Variants in FNIP2 observed in about 807,000 individuals in gnomAD.
FNIP2 encodes folliculin interacting protein 2.
A neutral mutation model predicts 108.7 loss-of-function variants in FNIP2; 32 were observed. The observed-to-expected ratio is 0.29, with a 90% CI of 0.22 to 0.40. The LOEUF (loss-of-function observed/expected upper bound fraction) is 0.40. FNIP2 is among the 10% of genes least tolerant of loss of function. The pLI is 1.00. For synonymous variants in FNIP2, 480 were observed against 496.7 expected (o/e 0.97, Z 0.45); for missense variants, 1,202 against 1,381.6 (o/e 0.87, Z 2.06).
At chr4:158,832,668 C>G (rs1328683248) in intron 5 of FNIP2, among the ~76,000 whole-genome samples, 1 of 152,162 alleles carries the variant, frequency 6.6e-6, no homozygotes, top group Admixed American at 6.5e-5. Context: ...AAATATTTCT[C>G]TATATATTTG....
In FNIP2 at chr4:158,833,548, A is replaced by T; in HGVS notation, c.575A>T (p.Tyr192Phe). Residue 192 changes from tyrosine (Y) to phenylalanine (F), a missense_variant, in exon 6 of 17, where the codon TAC (tyrosine) becomes TTC (phenylalanine). Around this residue, in one of 5 missense-constraint regions of FNIP2, gnomAD observed 878 missense variants for 990.3 expected, o/e 0.89. Coordinates refer to ENST00000264433, the MANE Select transcript of FNIP2 (RefSeq NM_020840.3). Reference protein sequence around the residue: ...STNNLQDSFEYINQDPNLGKL... With the variant: ...STNNLQDSFEFINQDPNLGKL... ...TATAGCTTGCAAGACAGCTTTGAGT[A>T]CATCAACCAAGATCCTAATTTGGGA... The T allele has an allele frequency of 3.7e-6, 6 of 1,605,584 alleles. No homozygotes were observed. The highest frequency in any genetic ancestry group is 5.1e-6 in the Non-Finnish European group (6 of 1,177,200).
intron 14 of FNIP2, chr4:158,872,069 T>C (rs1410229213): frequency 1.0e-6 from 1 of 985,244 alleles, no homozygotes; most frequent in African/African-American, 1.7e-5. Flanking sequence ...TATTGGACCT[T>C]CCTTCCATGA....
chr4:158,862,872 A>G (rs1342374043), intron 12 of FNIP2, among the ~76,000 whole-genome samples: 1 of 152,240 alleles, frequency 6.6e-6, no homozygotes, highest in African/African-American at 2.4e-5. Context: ...GAAACATTGT[A>G]TTCCATGCTG....
At chr4:158,793,268 AGACGT>A (rs1776480346) in intron 1 of FNIP2, among the ~76,000 whole-genome samples, 1 of 152,210 alleles carries the variant, frequency 6.6e-6, no homozygotes, top group African/African-American at 2.4e-5. Flanking sequence ...AAGAACCCTG[AGACGT>A]GATCTAGGAA....
chr4:158,809,332 ACCTGTAAT>A (rs1777143057), intron 1 of FNIP2, among the ~76,000 whole-genome samples: 1 of 152,124 alleles, frequency 6.6e-6, no homozygotes, highest in Non-Finnish European at 1.5e-5. Flanking sequence ...GGTAGCAGGT[ACCTGTAAT>A]CCCAGCTACT....
chr4:158,841,017 CAT>C (rs1022709965), intron 7 of FNIP2, among the ~76,000 whole-genome samples: 4 of 152,158 alleles, frequency 2.6e-5, no homozygotes, highest in African/African-American at 7.2e-5. Context: ...TCAAATAAGA[CAT>C]GTGTTTTGGT....
chr4:158,901,219 G>T (rs982076153), intron 16 of FNIP2, among the ~76,000 whole-genome samples: 1 of 140,516 alleles, frequency 7.1e-6, no homozygotes, highest in Admixed American at 7.7e-5. Context: ...TGCAACCTCC[G>T]CCCCTCCAGG....
chr4:158,800,764 G>T (rs1273427962), intron 1 of FNIP2, among the ~76,000 whole-genome samples: 2 of 151,862 alleles, frequency 1.3e-5, no homozygotes, highest in Non-Finnish European at 2.9e-5. Flanking sequence ...AAGCATACTT[G>T]TTATCAAACT....
chr4:158,769,917 A>G (rs760643830), intron 1 of FNIP2, among the ~76,000 whole-genome samples: 12 of 152,340 alleles, frequency 7.9e-5, no homozygotes, highest in South Asian at 6.2e-4. Context: ...CGAGATTTCA[A>G]TTGATCAAAG....
chr4:158,848,695 AGC>A (rs780239845), intron 7 of FNIP2, among the ~76,000 whole-genome samples: 24 of 152,346 alleles, frequency 1.6e-4, no homozygotes, highest in South Asian at 4.1e-4. Flanking sequence ...AATTCAAAAT[AGC>A]TGTGTTGAGG....
intron 14 of FNIP2, among the ~76,000 whole-genome samples, chr4:158,879,773 G>A: frequency 6.7e-6 from 1 of 150,324 alleles, no homozygotes; most frequent in East Asian, 2.0e-4. Context: ...CCATCAAAAA[G>A]TGGGCAAAGG....
At chr4:158,875,837 C>T (rs1415022267) in intron 14 of FNIP2, among the ~76,000 whole-genome samples, 1 of 152,032 alleles carries the variant, frequency 6.6e-6, no homozygotes, top group African/African-American at 2.4e-5. Flanking sequence ...TACAACACTA[C>T]CTATGTCCAC....
intron 7 of FNIP2, among the ~76,000 whole-genome samples, chr4:158,841,179 C>T (rs985542149): frequency 6.6e-6 from 1 of 152,136 alleles, no homozygotes; most frequent in Admixed American, 6.5e-5. Flanking sequence ...GGGGGCTTCT[C>T]AAGCTGGTTG....
At chr4:158,886,278 A>G (rs1164339078) in intron 14 of FNIP2, among the ~76,000 whole-genome samples, 1 of 152,266 alleles carries the variant, frequency 6.6e-6, no homozygotes, top group East Asian at 1.9e-4. Context: ...AGCAAGGGGA[A>G]AATGATAATG....
chr4:158,896,628 C>T (rs1430895277), intron 16 of FNIP2, among the ~76,000 whole-genome samples: 1 of 152,110 alleles, frequency 6.6e-6, no homozygotes, highest in Non-Finnish European at 1.5e-5. Flanking sequence ...GCTTAGATTT[C>T]TCATCTTTCA....
chr4:158,890,321 A>G (rs1020039705), intron 14 of FNIP2: 1 of 985,210 alleles, frequency 1.0e-6, no homozygotes, highest in Non-Finnish European at 1.2e-6. Flanking sequence ...CCCTATTACC[A>G]GGGTTTTTCC....
intron 1 of FNIP2, among the ~76,000 whole-genome samples, chr4:158,824,700 T>C (rs919256445): frequency 1.3e-5 from 2 of 152,238 alleles, no homozygotes; most frequent in African/African-American, 4.8e-5. Context: ...ATCAAGCGTC[T>C]GTTTTCCTTG....
intron 1 of FNIP2, among the ~76,000 whole-genome samples, chr4:158,780,506 C>T (rs1776006531): frequency 6.6e-6 from 1 of 152,140 alleles, no homozygotes; most frequent in African/African-American, 2.4e-5. Context: ...TCATAGTTAT[C>T]CTTTGATGAT....
chr4:158,780,643 C>G (rs1393313025), intron 1 of FNIP2, among the ~76,000 whole-genome samples: 1 of 152,138 alleles, frequency 6.6e-6, no homozygotes, highest in East Asian at 1.9e-4. Flanking sequence ...TCAGTCAGCT[C>G]TTATTAATAT....
Sources: gnomAD v4.1 joint callset for allele counts (sites outside exome capture counted in the v4.1 genomes callset) on GRCh38, gnomAD v4.1.1 for gene constraint, gnomAD v4.1.1 regional missense constraint, MANE v1.5 for transcripts, NCBI Gene and HGNC (gene_info 2026-07-23, HGNC 2026-07-21) for gene names.